PTPN9: variants seen among roughly 807,000 people sequenced by gnomAD.
PTPN9 encodes the protein protein tyrosine phosphatase non-receptor type 9, also known as tyrosine-protein phosphatase non-receptor type 9.
PTPN9 carries 26 observed loss-of-function variants against 69.8 expected under a neutral mutation model. The observed-to-expected ratio is 0.37, with a 90% CI of 0.27 to 0.52. The LOEUF (loss-of-function observed/expected upper bound fraction) is 0.52, where lower values mean the gene tolerates loss of function less well. Among genes scored for constraint, PTPN9 ranks in the 20% least tolerant of loss-of-function variants. The pLI is 0.91. For synonymous variants in PTPN9, 274 were observed against 272.5 expected (o/e 1.01, Z -0.05); for missense variants, 549 against 740.3 (o/e 0.74, Z 3.00).
chr15:75,573,746 CA>C (rs1377225500), intron 1 of PTPN9, among the ~76,000 whole-genome samples: 1 of 152,170 alleles, frequency 6.6e-6, no homozygotes, highest in Non-Finnish European at 1.5e-5. Flanking sequence ...TGATGGGGAG[CA>C]AAAGCGAAAA....
At chr15:75,472,046 T>C (rs188910162) in intron 10 of PTPN9, among the ~76,000 whole-genome samples, 266 of 152,302 alleles carry the variant, frequency 1.7e-3, no homozygotes, top group African/African-American at 6.0e-3. Flanking sequence ...GTGGTGGTTA[T>C]AACAGTGCTA....
intron 1 of PTPN9, among the ~76,000 whole-genome samples, chr15:75,539,666 TGAAC>T: frequency 6.6e-6 from 1 of 151,950 alleles, no homozygotes; most frequent in East Asian, 1.9e-4. Context: ...TTTGAATATG[TGAAC>T]TTTTTTATTG....
chr15:75,538,382 G>A (rs1049549067), intron 1 of PTPN9, among the ~76,000 whole-genome samples: 32 of 152,058 alleles, frequency 2.1e-4, no homozygotes, highest in African/African-American at 4.3e-4. Context: ...CAAAAGATGC[G>A]TAACAACCTG....
intron 1 of PTPN9, among the ~76,000 whole-genome samples, chr15:75,574,423 G>C (rs556107164): frequency 6.6e-6 from 1 of 152,146 alleles, no homozygotes; most frequent in Non-Finnish European, 1.5e-5. Flanking sequence ...AATATGGATG[G>C]ACCAGGTGGG....
chr15:75,521,622 G>A (rs2074905672), intron 4 of PTPN9, among the ~76,000 whole-genome samples: 1 of 151,134 alleles, frequency 6.6e-6, no homozygotes, highest in Non-Finnish European at 1.5e-5. Flanking sequence ...GAGATGGGAG[G>A]ATTGCTTAAG....
Position 75,479,778 on chromosome 15 carries a change from GCT to G in PTPN9, c.1129+68_1129+69del. On this transcript the variant is annotated intron_variant, in intron 9 of 12. Coordinates refer to ENST00000618819, the MANE Select transcript of PTPN9 (RefSeq NM_002833.4). ...AAGTTACCATTCGTTTAAAAATTATGCTATCATTTGGCACAAGGAATCATAAG... is the reference window on the plus strand; with the variant it reads ...AAGTTACCATTCGTTTAAAAATTATGATCATTTGGCACAAGGAATCATAAG... The G allele has an allele frequency of 3.9e-6, 5 of 1,294,922 alleles. No homozygotes were observed. The African/African-American group carries it at 7.5e-5, about 19-fold the overall frequency. 80.2% of individuals were successfully genotyped at this position (1,294,922 alleles called of 1,614,324 possible). A position where few individuals can be genotyped will look rare whatever the true frequency, so the allele number is the denominator to read the frequency against.
intron 1 of PTPN9, among the ~76,000 whole-genome samples, chr15:75,553,483 G>A (rs2075064135): frequency 6.6e-6 from 1 of 152,144 alleles, no homozygotes; most frequent in Non-Finnish European, 1.5e-5. Flanking sequence ...TAGTAGCTCT[G>A]AAAACACAGT....
At position 75,468,781 on chromosome 15, in the gene PTPN9, CACGGCCAG is replaced by C. The variant is rs1567458650; in HGVS notation, c.1762_1769del (p.Leu588GlyfsTer18). ...GTTCGTAGGAGAGTTACTGACTCTCCACGGCCAGCAGGTTTTGGCCAGAGGATACCATG... is the reference window on the plus strand; with the variant it reads ...GTTCGTAGGAGAGTTACTGACTCTCCCAGGTTTTGGCCAGAGGATACCATG... On this transcript the variant is annotated frameshift_variant, in exon 13 of 13. Transcript: ENST00000618819. LOFTEE classifies it high-confidence loss of function. The C allele has an allele frequency of 1.9e-6, 3 of 1,613,730 alleles. No homozygotes were observed. The African/African-American group carries it at 4.0e-5, about 22-fold the overall frequency.
chr15:75,562,719 C>G (rs1445784952), intron 1 of PTPN9, among the ~76,000 whole-genome samples: 1 of 142,570 alleles, frequency 7.0e-6, no homozygotes, highest in Non-Finnish European at 1.5e-5. Flanking sequence ...GTAGTCCCAG[C>G]TACTCGGGAG....
At chr15:75,500,810 T>G (rs776519041) in intron 7 of PTPN9, among the ~76,000 whole-genome samples, 3 of 151,608 alleles carry the variant, frequency 2.0e-5, no homozygotes, top group Non-Finnish European at 4.4e-5. Context: ...CAATTGAGCA[T>G]CAAGAGATGG....
chr15:75,554,005 C>CTTTTTTTTTTT (rs72050060), intron 1 of PTPN9, among the ~76,000 whole-genome samples: 5 of 125,374 alleles, frequency 4.0e-5, no homozygotes, highest in African/African-American at 9.0e-5. Flanking sequence ...TACTTTCTTT[C>CTTTTTTTTTTT]TTTTTTTTTT....
chr15:75,530,644 AAT>A (rs1462748093), intron 1 of PTPN9, among the ~76,000 whole-genome samples: 1 of 59,130 alleles, frequency 1.7e-5, no homozygotes, highest in East Asian at 6.1e-4. Flanking sequence ...AATATACTAT[AAT>A]ATATATTATT....
chr15:75,507,438 CTCTG>C (rs2074825203), intron 6 of PTPN9, among the ~76,000 whole-genome samples: 2 of 129,068 alleles, frequency 1.5e-5, no homozygotes, highest in African/African-American at 6.4e-5. Context: ...AACAGCAAAA[CTCTG>C]TCGCAAAAAA....
At chr15:75,528,189 A>G (rs921345304) in intron 1 of PTPN9, among the ~76,000 whole-genome samples, 7 of 152,242 alleles carry the variant, frequency 4.6e-5, no homozygotes, top group African/African-American at 1.7e-4. Context: ...GGTTTTGGAA[A>G]GGGGAGGAAA....
At chr15:75,480,628 C>G (rs1275975848) in intron 8 of PTPN9, 1 of 1,184,152 alleles carries the variant, frequency 8.4e-7, no homozygotes, top group Non-Finnish European at 1.1e-6. Flanking sequence ...GGGACAGTCG[C>G]GGCGCTGACG....
intron 1 of PTPN9, among the ~76,000 whole-genome samples, chr15:75,541,768 G>C (rs975501941): frequency 2.0e-5 from 3 of 149,908 alleles, no homozygotes; most frequent in African/African-American, 7.4e-5. Flanking sequence ...GTGCAGTAGT[G>C]CGATCTCAGC....
chr15:75,501,202 C>G (rs1286767088), intron 7 of PTPN9, among the ~76,000 whole-genome samples: 1 of 152,150 alleles, frequency 6.6e-6, no homozygotes, highest in Non-Finnish European at 1.5e-5. Flanking sequence ...AACACACTGA[C>G]TACACTGGAC....
chr15:75,544,324 G>C (rs1282527019), intron 1 of PTPN9, among the ~76,000 whole-genome samples: 1 of 152,088 alleles, frequency 6.6e-6, no homozygotes, highest in Non-Finnish European at 1.5e-5. Flanking sequence ...TTTGAGCCCA[G>C]GAATTTGAAA....
At chr15:75,524,425 C>G in intron 2 of PTPN9, 127 bp from the exon 3 acceptor site, 1 of 534,784 alleles carries the variant, frequency 1.9e-6, no homozygotes, top group Non-Finnish European at 3.3e-6. Context: ...AATTTCATAA[C>G]TAAATAAATT....
Sources: gnomAD v4.1 joint callset for allele counts (sites outside exome capture counted in the v4.1 genomes callset) on GRCh38, gnomAD v4.1.1 for gene constraint, MANE v1.5 for transcripts, NCBI Gene and HGNC (gene_info 2026-07-23, HGNC 2026-07-21) for gene names.